Variants in SGSM3 observed in about 807,000 individuals in gnomAD.
The protein encoded by SGSM3 is small G protein signaling modulator 3, also known as RUN and SH3 containing 3.
A neutral mutation model predicts 100.5 loss-of-function variants in SGSM3; 96 were observed. That is an observed-to-expected ratio of 0.96 (90% CI 0.81 to 1.13). The LOEUF (loss-of-function observed/expected upper bound fraction) is 1.13, where lower values mean the gene tolerates loss of function less well. Among genes scored for constraint, SGSM3 ranks in the 50% most tolerant of loss-of-function variants. SGSM3 has a pLI of 0.00. For synonymous variants in SGSM3, 483 were observed against 422.8 expected (o/e 1.14, Z -1.75); for missense variants, 1,001 against 1,015.8 (o/e 0.99, Z 0.20).
Position 40,406,649 on chromosome 22 carries a change from C to G in SGSM3, c.1172C>G (p.Thr391Ser). The G allele has an allele frequency of 6.2e-7, 1 of 1,607,512 alleles. No homozygotes were observed. The highest frequency in any genetic ancestry group is 1.1e-5 in the South Asian group (1 of 90,640). Reference sequence around the variant, plus strand: ...CAGCTCCTGGGGGCCGGCACCCTCACCAACCTCTCTCAGGTGGCCCAGGAT... The same window carrying G: ...CAGCTCCTGGGGGCCGGCACCCTCAGCAACCTCTCTCAGGTGGCCCAGGAT... The part of the protein sequence containing the change: ...QGQLLGAGTL[T>S]NLSQVVRRRT... The change falls in exon 10 of 22, where the codon ACC becomes AGC. Residue 391 changes from threonine (T) to serine (S), a missense_variant. By Grantham distance (58) the Thr-to-Ser change is moderately conservative. Coordinates refer to ENST00000248929, the MANE Select transcript of SGSM3 (RefSeq NM_015705.6).
intron 1 of SGSM3, among the ~76,000 whole-genome samples, chr22:40,400,153 TA>T (rs1450103665): frequency 6.6e-6 from 1 of 152,232 alleles, no homozygotes; most frequent in Non-Finnish European, 1.5e-5. Flanking sequence ...TGGACCAGGA[TA>T]ACAACTGTCA....
At chr22:40,406,732 A>G in intron 10 of SGSM3, 70 bp downstream of exon 10, 1 of 1,335,972 alleles carries the variant, frequency 7.5e-7, no homozygotes, top group Non-Finnish European at 1.1e-6. Context: ...TGAAGTTCAG[A>G]GCGCGGGGGC....
intron 1 of SGSM3, among the ~76,000 whole-genome samples, chr22:40,377,668 T>C (rs1016908682): frequency 6.6e-6 from 1 of 151,706 alleles, no homozygotes; most frequent in African/African-American, 2.4e-5. Flanking sequence ...GGAACCTGTC[T>C]CTACAAAAAA....
At position 40,409,331 on chromosome 22, in the gene SGSM3, C is replaced by T. The variant is rs752196599; in HGVS notation, c.2070C>T (p.Phe690=). ...AGAAGTGGTACCAGCCCTGGTCCTT[C>T]CTGCGCAGCCCGGGCTGGGTCCAGA... ...TVEKWYQPWS[F]LRSPGWVQIK... is the part of the protein sequence containing the mutation. Residue 690 remains phenylalanine (F), a synonymous_variant, in exon 20 of 22, where the codon TTC becomes TTT. Transcript: ENST00000248929. 2 of 1,612,886 alleles carry T rather than the reference C, an allele frequency of 1.2e-6. No individual in the cohort carries two copies. Among genetic ancestry groups the T allele is most frequent in the East Asian group, 4.5e-5 (2 of 44,860 alleles).
intron 1 of SGSM3, among the ~76,000 whole-genome samples, chr22:40,372,120 C>T (rs866595625): frequency 8.3e-5 from 10 of 120,176 alleles, no homozygotes; most frequent in Non-Finnish European, 1.2e-4. Context: ...TGTCCCCCCC[C>T]CCTTTTTTTT....
rs1294709895 is a variant in SGSM3 at position 40,408,657 on chromosome 22, G to T, written c.1813G>T (p.Ala605Ser). 1.2e-6 allele frequency: 2 copies of T among 1,613,896 alleles called. No individual in the cohort carries two copies. Among genetic ancestry groups the T allele is most frequent in the African/African-American group, 2.7e-5 (2 of 74,922 alleles). ...AAGREVERDF[A>S]SVYSRLVLCK... ...AGGCCGGGAGGTCGAGAGAGACTTT[G>T]CCTCCGTGTATTCCCGTCTGGTGCT... Residue 605 changes from alanine (A) to serine (S), a missense_variant, in exon 17 of 22, where the codon GCC (alanine) becomes TCC (serine). Physicochemically the swap from Ala to Ser is moderately conservative, Grantham distance 99. Coordinates refer to ENST00000248929, the MANE Select transcript of SGSM3 (RefSeq NM_015705.6).
At chr22:40,405,049 C>T in intron 6 of SGSM3, 92 bp from the exon 7 acceptor site, 1 of 1,432,186 alleles carries the variant, frequency 7.0e-7, no homozygotes, top group South Asian at 1.6e-5. Flanking sequence ...CAAGGAATCC[C>T]CATTTCTGGG....
intron 1 of SGSM3, among the ~76,000 whole-genome samples, chr22:40,384,248 A>G (rs1243114955): frequency 1.3e-5 from 2 of 152,160 alleles, no homozygotes. Flanking sequence ...GTCTCTAACA[A>G]CAACAACAAC....
In SGSM3 at chr22:40,407,858, C is replaced by T; in HGVS notation, c.1579+15C>T. On this transcript the variant is annotated intron_variant, in intron 14 of 21. Coordinates refer to ENST00000248929, the MANE Select transcript of SGSM3 (RefSeq NM_015705.6). This position sits in a 1 kb window ranked among gnomAD's most constrained non-coding sequence, Gnocchi z 4.7. ...CGGCCTGCGAGGTGGGGTCCTTGGT[C>T]TGCTCTTGAGCTGGGAGAGGGAGGA... The T allele has an allele frequency of 8.7e-6, 14 of 1,606,562 alleles. No homozygotes were observed. The highest frequency in any genetic ancestry group is 1.2e-5 in the Non-Finnish European group (14 of 1,176,062).
At chr22:40,401,770 C>CT in intron 3 of SGSM3, 95 bp downstream of exon 3, 2 of 1,013,174 alleles carry the variant, frequency 2.0e-6, no homozygotes, top group Non-Finnish European at 1.5e-6. Flanking sequence ...AGGTGGCCAA[C>CT]TCACACAGGG....
At position 40,408,291 on chromosome 22, in the gene SGSM3, G is replaced by A; in HGVS notation, c.1644G>A (p.Gly548=). ...DERSKEYSIA[G]DDSVTEGVTD... is the part of the protein sequence containing the mutation. ...CCTCCCATCAGTACTCCATCGCGGG[G>A]GATGACTCGGTGACGGAGGGGGTCA... The change falls in exon 16 of 22, where the codon GGG becomes GGA. Residue 548 remains glycine (G), a synonymous_variant. Coordinates refer to ENST00000248929, the MANE Select transcript of SGSM3 (RefSeq NM_015705.6). 1 of 1,613,638 alleles carries A rather than the reference G, an allele frequency of 6.2e-7. No individual in the cohort carries two copies. The highest frequency in any genetic ancestry group is 8.5e-7 in the Non-Finnish European group (1 of 1,179,994).
In SGSM3 at chr22:40,407,479, C is replaced by A. The variant is rs563225500; in HGVS notation, c.1435C>A (p.Arg479Ser). 3.7e-6 allele frequency: 6 copies of A among 1,611,834 alleles called. No individual in the cohort carries two copies. In the East Asian group the frequency reaches 8.9e-5, roughly 24 times the overall value. Residue 479 changes from arginine to serine, a missense_variant, in exon 13 of 22, where the codon CGC becomes AGC. Arg to Ser is a moderately radical substitution (Grantham distance 110). Transcript: ENST00000248929. This position sits in a 1 kb window ranked among gnomAD's most constrained non-coding sequence, Gnocchi z 4.7. ...RDHENYVACS[R>S]SHRRRAKALL... ...CCACGAGAACTACGTGGCGTGCTCA[C>A]GCAGCCACCGGCGCCGAGCCAAGGC...
At chr22:40,400,634 ACT>A (rs758085040) in intron 1 of SGSM3, 60 bp from the exon 2 acceptor site, 4 of 624,482 alleles carry the variant, frequency 6.4e-6, no homozygotes, top group African/African-American at 1.9e-5. Flanking sequence ...ACCAAGCGAG[ACT>A]CTGTCTAAAA....
chr22:40,408,567 C>G, intron 16 of SGSM3, 60 bp from the exon 17 acceptor site: 1 of 1,605,158 alleles, frequency 6.2e-7, no homozygotes, highest in Non-Finnish European at 8.5e-7. Context: ...CAGTCGGCCC[C>G]AAGGGCTTTG....
In SGSM3 at chr22:40,407,364, G is replaced by A. The variant is rs369454357; in HGVS notation, c.1368+36G>A. ...AGCTCCCTGGGCTGCTACCAAACAC[G>A]GCCCTAACTCCTCCAACCCCCTTGG... On this transcript the variant is annotated intron_variant, in intron 12 of 21. Transcript: ENST00000248929. The surrounding 1 kb of genome is among the most constrained non-coding windows in gnomAD (Gnocchi z 4.7). 9.4e-5 allele frequency: 151 copies of A among 1,612,688 alleles called. No homozygotes were observed. The African/African-American group carries it at 1.7e-3, about 18-fold the overall frequency.
chr22:40,406,466 C>G lies in SGSM3; in HGVS notation c.989C>G (p.Ser330Trp), dbSNP rs745495016. The G allele has an allele frequency of 6.3e-7, 1 of 1,595,186 alleles. No individual in the cohort carries two copies. Among genetic ancestry groups the G allele is most frequent in the South Asian group, 1.1e-5 (1 of 88,932 alleles). The change falls in exon 10 of 22, where the codon TCG (serine) becomes TGG (tryptophan). Residue 330 changes from serine to tryptophan, a missense_variant. Physicochemically the swap from Ser to Trp is radical, Grantham distance 177. Transcript: ENST00000248929. ...GAAGAGCTGATCCAGTCAGAGAACT[C>G]GGCCTCCATCTTCAACACGCTATCG... ...KEEELIQSEN[S>W]ASIFNTLSDI...
intron 1 of SGSM3, among the ~76,000 whole-genome samples, chr22:40,373,987 C>T (rs1429899219): frequency 6.7e-6 from 1 of 149,818 alleles, no homozygotes; most frequent in Non-Finnish European, 1.5e-5. Context: ...CTCCCTCTGT[C>T]GCCCAGGCTT....
intron 1 of SGSM3, among the ~76,000 whole-genome samples, chr22:40,397,162 C>T (rs1475720119): frequency 2.0e-5 from 3 of 152,158 alleles, no homozygotes; most frequent in Admixed American, 6.5e-5. Flanking sequence ...AATTCACATC[C>T]GGCTGGGCTT....
Position 40,409,763 on chromosome 22 carries a change from C to A in SGSM3, c.*4C>A, listed in dbSNP as rs1338229888. 1.9e-6 allele frequency: 3 copies of A among 1,605,582 alleles called. No homozygotes were observed. Among genetic ancestry groups the A allele is most frequent in the African/African-American group, 1.3e-5 (1 of 75,006 alleles). On this transcript the variant is annotated 3_prime_UTR_variant, in exon 22 of 22. Transcript: ENST00000248929. ...CAGCTGGGATGTGGACGGGTGACCC[C>A]CTCCTCCCCAGCCCAACCTCGGGCC...
Sources: allele counts gnomAD v4.1 joint callset (sites outside exome capture counted in the v4.1 genomes callset), GRCh38; gene constraint gnomAD v4.1.1; non-coding constraint Gnocchi (gnomAD v3.1); transcripts MANE v1.5; gene names NCBI Gene and HGNC (gene_info 2026-07-23, HGNC 2026-07-21).